HSF1: variants seen among roughly 807,000 people sequenced by gnomAD.
HSF1 encodes the protein heat shock transcription factor 1.
A neutral mutation model predicts 51.7 loss-of-function variants in HSF1; 32 were observed. That is an observed-to-expected ratio of 0.62 (90% CI 0.47 to 0.83). The LOEUF (loss-of-function observed/expected upper bound fraction) is 0.83, where lower values mean the gene tolerates loss of function less well. Among genes scored for constraint, HSF1 ranks in the 40% least tolerant of loss-of-function variants. The pLI is 0.00. For synonymous variants in HSF1, 396 were observed against 309.7 expected (o/e 1.28, Z -2.92); for missense variants, 727 against 717.0 (o/e 1.01, Z -0.16).
intron 9 of HSF1, chr8:144,313,188 C>T (rs1048622574): frequency 7.4e-6 from 3 of 405,588 alleles, no homozygotes; most frequent in Non-Finnish European, 1.4e-5. Flanking sequence ...CAACGGGAAA[C>T]CTCACCAACC....
chr8:144,295,808 C>A (rs1815416518), intron 1 of HSF1, among the ~76,000 whole-genome samples: 1 of 152,170 alleles, frequency 6.6e-6, no homozygotes, highest in Non-Finnish European at 1.5e-5. Flanking sequence ...GCCATCCTCC[C>A]ATCTCAGCCT....
At chr8:144,307,893 G>C (rs1816326293) in intron 1 of HSF1, among the ~76,000 whole-genome samples, 1 of 152,232 alleles carries the variant, frequency 6.6e-6, no homozygotes, top group Non-Finnish European at 1.5e-5. Flanking sequence ...AACTTTCAGA[G>C]TTCTGGAAAG....
rs140225537 is a variant in HSF1, at chr8:144,294,763, C to A, written c.117+2889C>A. ...ATCCCTGTGTTGTTTGATTTCCCAC[C>A]CCCCCCTCCCAAGACCCTCATTCCC... On this transcript the variant is annotated intron_variant, in intron 1 of 12. Coordinates refer to ENST00000528838, the MANE Select transcript of HSF1 (RefSeq NM_005526.4). Among the ~76,000 whole-genome samples the A allele has an allele frequency of 3.7e-3, 560 of 151,842 alleles. 1 individual carries two copies. The highest frequency in any genetic ancestry group is 0.012 in the African/African-American group (492 of 41,344).
At chr8:144,307,673 C>T (rs1035534653) in intron 1 of HSF1, among the ~76,000 whole-genome samples, 5 of 151,758 alleles carry the variant, frequency 3.3e-5, no homozygotes, top group African/African-American at 4.8e-5. Context: ...GGCTGAGGCA[C>T]GAGAATCGCT....
intron 1 of HSF1, among the ~76,000 whole-genome samples, chr8:144,301,250 C>A (rs922541524): frequency 6.6e-6 from 1 of 151,938 alleles, no homozygotes; most frequent in Non-Finnish European, 1.5e-5. Flanking sequence ...AAGACCCTGT[C>A]TCTATAAATA....
intron 9 of HSF1, chr8:144,312,744 G>T: frequency 6.6e-7 from 1 of 1,517,828 alleles, no homozygotes; most frequent in Non-Finnish European, 8.8e-7. Context: ...AGGGAGGAGG[G>T]CTCTGCCAGC....
rs782356424 is a variant in HSF1, at chr8:144,313,583, C to T, written c.1215C>T (p.His405=). 13 of 1,610,728 alleles carry T rather than the reference C, an allele frequency of 8.1e-6. No individual in the cohort carries two copies. The highest frequency in any genetic ancestry group is 2.2e-5 in the East Asian group (1 of 44,816). The change falls in exon 10 of 13, where the codon CAC becomes CAT. Residue 405 remains histidine (H), a synonymous_variant. Coordinates refer to ENST00000528838, the MANE Select transcript of HSF1 (RefSeq NM_005526.4). Reference sequence around the variant, plus strand: ...ACCTGCAGACCATGCTGAGCAGCCACGGCTTCAGCGTGGACACCAGTGCCC... The same window carrying T: ...ACCTGCAGACCATGCTGAGCAGCCATGGCTTCAGCGTGGACACCAGTGCCC... The part of the protein sequence containing the change: ...LDNLQTMLSS[H]GFSVDTSALL...
At chr8:144,300,295 C>T (rs1815772830) in intron 1 of HSF1, among the ~76,000 whole-genome samples, 1 of 144,936 alleles carries the variant, frequency 6.9e-6, no homozygotes, top group African/African-American at 2.6e-5. Flanking sequence ...CGGCTCACTG[C>T]AACCTCCACC....
intron 10 of HSF1, 50 bp downstream of exon 10, chr8:144,313,666 C>T (rs1816904841): frequency 6.2e-6 from 1 of 161,738 alleles, no homozygotes; most frequent in African/African-American, 5.7e-5. Context: ...CCCCGCCGCG[C>T]CGCCCCGCCT....
chr8:144,293,438 C>G (rs1262320505), intron 1 of HSF1: 1 of 147,972 alleles, frequency 6.8e-6, no homozygotes, highest in Non-Finnish European at 1.5e-5. Flanking sequence ...CCGTCTTTTT[C>G]TTTTTTCTTT....
intron 2 of HSF1, chr8:144,309,248 C>A: frequency 2.9e-6 from 2 of 690,046 alleles, no homozygotes; most frequent in Non-Finnish European, 4.9e-6. Context: ...AGCTGTACTC[C>A]ACGTGTGTCG....
At chr8:144,299,422 G>A (rs1354666042) in intron 1 of HSF1, among the ~76,000 whole-genome samples, 2 of 143,316 alleles carry the variant, frequency 1.4e-5, no homozygotes, top group Non-Finnish European at 3.1e-5. Context: ...GGGCAACAGA[G>A]CAAGACTCCT....
At chr8:144,308,542 G>A (rs370452684) in intron 1 of HSF1, among the ~76,000 whole-genome samples, 32 of 151,170 alleles carry the variant, frequency 2.1e-4, no homozygotes, top group African/African-American at 3.2e-4. Flanking sequence ...AGAGTGCGGC[G>A]GGTGCTTTGT....
At chr8:144,313,109 C>T in intron 9 of HSF1, 1 of 391,922 alleles carries the variant, frequency 2.6e-6, no homozygotes. Context: ...GGTCTCATCC[C>T]CACAGCAGCA....
chr8:144,295,571 T>A (rs1482708810), intron 1 of HSF1, among the ~76,000 whole-genome samples: 3 of 152,230 alleles, frequency 2.0e-5, no homozygotes, highest in African/African-American at 7.2e-5. Context: ...TTTTTGTTTT[T>A]TAGATAAGGT....
intron 10 of HSF1, 34 bp downstream of exon 10, chr8:144,313,650 C>CTCCCCG (rs1816881766): frequency 4.0e-6 from 1 of 249,666 alleles, no homozygotes; most frequent in African/African-American, 7.2e-5. Flanking sequence ...CCTCCCCGCC[C>CTCCCCG]CGCCTCCCCG....
At chr8:144,301,078 C>T (rs1485142526) in intron 1 of HSF1, among the ~76,000 whole-genome samples, 3 of 152,152 alleles carry the variant, frequency 2.0e-5, no homozygotes, top group African/African-American at 7.2e-5. Context: ...ATCATGTGGT[C>T]TAACGTATTT....
intron 1 of HSF1, among the ~76,000 whole-genome samples, chr8:144,298,279 G>A (rs2130339961): frequency 6.6e-6 from 1 of 152,230 alleles, no homozygotes; most frequent in African/African-American, 2.4e-5. Context: ...TAAGGCATAA[G>A]AAGCCGCTGA....
In HSF1 at chr8:144,291,833, G is replaced by T; in HGVS notation, c.76G>T (p.Val26Leu). The T allele has an allele frequency of 6.4e-7, 1 of 1,554,666 alleles. No homozygotes were observed. Among genetic ancestry groups the T allele is most frequent in the Non-Finnish European group, 8.7e-7 (1 of 1,155,130 alleles). The part of the protein sequence containing the change: ...PAFLTKLWTL[V>L]SDPDTDALIC... Reference sequence around the variant, plus strand: ...CTTCCTGACCAAGCTGTGGACCCTCGTGAGCGACCCGGACACCGACGCGCT... The same window carrying T: ...CTTCCTGACCAAGCTGTGGACCCTCTTGAGCGACCCGGACACCGACGCGCT... Residue 26 changes from valine (V) to leucine (L), a missense_variant, in exon 1 of 13, where the codon GTG becomes TTG. Physicochemically the swap from Val to Leu is conservative, Grantham distance 32. This residue lies in a region of HSF1 where 257 missense variants were observed against 318.3 expected (regional missense o/e 0.81). Transcript: ENST00000528838. The surrounding 1 kb of genome is among the most constrained non-coding windows in gnomAD (Gnocchi z 4.1).
Sources: gnomAD v4.1 joint callset for allele counts (sites outside exome capture counted in the v4.1 genomes callset) on GRCh38, gnomAD v4.1.1 for gene constraint, gnomAD v4.1.1 regional missense constraint, Gnocchi (gnomAD v3.1) non-coding constraint, MANE v1.5 for transcripts, NCBI Gene and HGNC (gene_info 2026-07-23, HGNC 2026-07-21) for gene names.